GRAMD1C: variants seen among roughly 807,000 people sequenced by gnomAD.
GRAMD1C encodes GRAM domain containing 1C.
A neutral mutation model predicts 97.8 loss-of-function variants in GRAMD1C; 89 were observed. The observed-to-expected ratio is 0.91, with a 90% confidence interval of 0.77 to 1.09. The LOEUF is 1.09. GRAMD1C is among the 50% of genes least tolerant of loss of function. The pLI is 0.00. For synonymous variants in GRAMD1C, 256 were observed against 267.0 expected, an observed-to-expected ratio of 0.96 and a Z score of 0.40; for missense variants, 740 against 766.4, an observed-to-expected ratio of 0.97 and a Z score of 0.41.
chr3:113,915,255 C>T (rs1936766509), intron 9 of GRAMD1C, among the ~76,000 whole-genome samples: 1 of 152,132 alleles, frequency 6.6e-6, no homozygotes, highest in African/African-American at 2.4e-5. Context: ...CTAAGTGCAG[C>T]AGATATTATA....
intron 17 of GRAMD1C, among the ~76,000 whole-genome samples, chr3:113,943,651 C>T (rs1034358011): frequency 6.6e-6 from 1 of 152,202 alleles, no homozygotes; most frequent in African/African-American, 2.4e-5. Flanking sequence ...CAGTGGCTCA[C>T]ACCTGTAATC....
chr3:113,940,278 A>C lies in GRAMD1C; in HGVS notation c.1841A>C (p.Gln614Pro). ...SDMVSRAETIQKNKDQAHRLK... is the reference protein window; with the variant it reads ...SDMVSRAETIPKNKDQAHRLK... ...ATGGTGTCAAGAGCAGAAACTATTC[A>C]GAAGAATAAAGATCAGGCCCATCGT... The change falls in exon 17 of 18, where the codon CAG (glutamine) becomes CCG (proline). Residue 614 changes from glutamine (Q) to proline (P), a missense_variant. Transcript: ENST00000358160. The C allele has an allele frequency of 6.2e-7, 1 of 1,610,600 alleles. No individual in the cohort carries two copies. The highest frequency in any genetic ancestry group is 2.2e-5 in the East Asian group (1 of 44,866).
At chr3:113,928,170 C>A (rs1334565698) in intron 10 of GRAMD1C, among the ~76,000 whole-genome samples, 1 of 152,150 alleles carries the variant, frequency 6.6e-6, no homozygotes, top group Admixed American at 6.5e-5. Context: ...CCTCTCTGCC[C>A]TCTGTGTCCC....
Position 113,838,797 on chromosome 3 carries a change from G to T in GRAMD1C, c.-113G>T. 1.4e-6 allele frequency: 1 copy of T among 704,674 alleles called. No homozygotes were observed. The highest frequency in any genetic ancestry group is 2.0e-6 in the Non-Finnish European group (1 of 510,842). The allele number at this position is 704,674 out of a possible 1,614,324, so 43.7% of individuals were successfully genotyped here. ...AGCTGCGGCTGGAAGTACTCGGAGG[G>T]CCGGCGGAGGAGGCGCGCGGAGCCT... On this transcript the variant is annotated 5_prime_UTR_variant, in exon 1 of 18. Coordinates refer to ENST00000358160, the MANE Select transcript of GRAMD1C (RefSeq NM_017577.5).
chr3:113,866,342 G>A (rs1934584379), intron 2 of GRAMD1C, among the ~76,000 whole-genome samples: 1 of 152,180 alleles, frequency 6.6e-6, no homozygotes, highest in South Asian at 2.1e-4. Context: ...CAGCTAAAAA[G>A]TAATAGAGCC....
intron 10 of GRAMD1C, among the ~76,000 whole-genome samples, chr3:113,918,785 T>A (rs992007019): frequency 2.6e-5 from 4 of 152,220 alleles, no homozygotes; most frequent in Admixed American, 1.3e-4. Context: ...AGCCTCGACC[T>A]CCTGGGCTCA....
upstream of GRAMD1C, among the ~76,000 whole-genome samples, chr3:113,834,283 G>A (rs1327461415): frequency 6.6e-6 from 1 of 152,062 alleles, no homozygotes; most frequent in African/African-American, 2.4e-5. Flanking sequence ...GGGTTCAAGC[G>A]ATTTTCCTGC....
chr3:113,915,982 A>T, intron 10 of GRAMD1C, 144 bp downstream of exon 10: 1 of 638,872 alleles, frequency 1.6e-6, no homozygotes, highest in Non-Finnish European at 2.7e-6. Context: ...ATAAACTGGT[A>T]TTCAAATGTT....
chr3:113,911,635 CTTTCCTTCTTTCTT>C (rs1196278555), intron 9 of GRAMD1C, among the ~76,000 whole-genome samples: 1 of 141,664 alleles, frequency 7.1e-6, no homozygotes, highest in African/African-American at 2.6e-5. Context: ...TTCTTCCTTT[CTTTCCTTCTTTCTT>C]TTTCTTTCTT....
chr3:113,926,063 G>A (rs1270337039), intron 10 of GRAMD1C, among the ~76,000 whole-genome samples: 1 of 152,138 alleles, frequency 6.6e-6, no homozygotes, highest in Admixed American at 6.5e-5. Flanking sequence ...TCTCATAGGG[G>A]TTCTCTGCAT....
At chr3:113,834,513 C>T (rs577264422), upstream of GRAMD1C, among the ~76,000 whole-genome samples, 11 of 152,248 alleles carry the variant, frequency 7.2e-5, no homozygotes, top group East Asian at 3.9e-4. Context: ...TGTATCCCCA[C>T]GGTCTTGTCA....
upstream of GRAMD1C, chr3:113,838,551 A>C: frequency 4.8e-6 from 1 of 210,176 alleles, no homozygotes. Flanking sequence ...ATCCAGCCTG[A>C]GGAATGAGAG....
intron 6 of GRAMD1C, among the ~76,000 whole-genome samples, chr3:113,883,668 A>C (rs1178188712): frequency 2.6e-5 from 4 of 152,224 alleles, no homozygotes; most frequent in Non-Finnish European, 5.9e-5. Context: ...AAAACAGAAC[A>C]GAAGTGAATG....
At chr3:113,944,357 T>C (rs1197634027) in intron 17 of GRAMD1C, among the ~76,000 whole-genome samples, 1 of 152,206 alleles carries the variant, frequency 6.6e-6, no homozygotes, top group Non-Finnish European at 1.5e-5. Context: ...GCATTGGGGA[T>C]TCAGTTTGAA....
upstream of GRAMD1C, among the ~76,000 whole-genome samples, chr3:113,834,939 C>CAAAA (rs58338279): frequency 4.0e-5 from 5 of 126,058 alleles, no homozygotes; most frequent in African/African-American, 8.7e-5. Flanking sequence ...AACTCCGTCT[C>CAAAA]AAAAAAAAAA....
At chr3:113,877,818 G>T (rs1461296934) in intron 5 of GRAMD1C, among the ~76,000 whole-genome samples, 2 of 149,946 alleles carry the variant, frequency 1.3e-5, no homozygotes, top group Non-Finnish European at 3.0e-5. Context: ...TGTTTTTATT[G>T]CCCAGGCTCA....
chr3:113,898,568 C>T (rs1422603985), intron 6 of GRAMD1C, among the ~76,000 whole-genome samples: 1 of 152,086 alleles, frequency 6.6e-6, no homozygotes, highest in African/African-American at 2.4e-5. Context: ...TTCTCTACCA[C>T]TAATGGTCCT....
At chr3:113,853,735 G>T (rs2107339023) in intron 2 of GRAMD1C, among the ~76,000 whole-genome samples, 1 of 152,334 alleles carries the variant, frequency 6.6e-6, no homozygotes, top group Non-Finnish European at 1.5e-5. Context: ...ACTATGTCAG[G>T]TAGTGATAGA....
At chr3:113,838,121 G>C (rs1205916163), upstream of GRAMD1C, among the ~76,000 whole-genome samples, 3 of 152,206 alleles carry the variant, frequency 2.0e-5, no homozygotes, top group Non-Finnish European at 4.4e-5. Flanking sequence ...GCCTGAACTA[G>C]ATTTTCAGGT....
Sources: gnomAD v4.1 joint callset for allele counts (sites outside exome capture counted in the v4.1 genomes callset) on GRCh38, gnomAD v4.1.1 for gene constraint, MANE v1.5 for transcripts, NCBI Gene and HGNC (gene_info 2026-07-23, HGNC 2026-07-21) for gene names.